Variants in EMCN observed in about 807,000 individuals in gnomAD.
EMCN encodes endomucin, also known as MUC-14.
Under a neutral mutation model 38.4 loss-of-function variants are expected in EMCN, and 37 were observed. That is an observed-to-expected ratio of 0.96 (90% CI 0.74 to 1.27). The LOEUF (loss-of-function observed/expected upper bound fraction) is 1.27. EMCN is among the 50% of genes most tolerant of loss of function. The pLI is 0.00. For missense variants in EMCN, 318 were observed against 302.8 expected, an observed-to-expected ratio of 1.05 and a Z score of -0.37; for synonymous variants, 95 against 100.8, an observed-to-expected ratio of 0.94 and a Z score of 0.35.
chr4:100,471,570 C>A (rs905605707), intron 3 of EMCN, among the ~76,000 whole-genome samples: 1 of 151,938 alleles, frequency 6.6e-6, no homozygotes, highest in East Asian at 1.9e-4. Flanking sequence ...GAGAAGGGAA[C>A]ACTTCCCAAC....
intron 1 of EMCN, among the ~76,000 whole-genome samples, chr4:100,513,406 GA>G (rs1291227093): frequency 2.0e-5 from 3 of 152,098 alleles, no homozygotes; most frequent in Non-Finnish European, 2.9e-5. Flanking sequence ...AAAGATGTAT[GA>G]TTTTTTTTAA....
chr4:100,471,135 A>C (rs1225657419), intron 3 of EMCN, among the ~76,000 whole-genome samples: 1 of 151,964 alleles, frequency 6.6e-6, no homozygotes, highest in Non-Finnish European at 1.5e-5. Context: ...ATAGAAACAC[A>C]ACACAGAAAA....
chr4:100,469,393 A>G (rs1174367566), intron 3 of EMCN, among the ~76,000 whole-genome samples: 1 of 152,158 alleles, frequency 6.6e-6, no homozygotes, highest in Non-Finnish European at 1.5e-5. Context: ...ATATTACATC[A>G]AAAGCTCAGC....
chr4:100,442,575 T>A (rs1272853864), intron 5 of EMCN, among the ~76,000 whole-genome samples: 1 of 152,130 alleles, frequency 6.6e-6, no homozygotes, highest in African/African-American at 2.4e-5. Context: ...TTTTTATTCT[T>A]TTTCCTCTGA....
intron 5 of EMCN, among the ~76,000 whole-genome samples, chr4:100,426,664 C>A (rs781625876): frequency 6.6e-6 from 1 of 152,128 alleles, no homozygotes; most frequent in Non-Finnish European, 1.5e-5. Flanking sequence ...AGAAATGAAG[C>A]CTCAGGAATT....
At chr4:100,436,862 A>C (rs1727367832) in intron 5 of EMCN, among the ~76,000 whole-genome samples, 1 of 152,112 alleles carries the variant, frequency 6.6e-6, no homozygotes, top group Non-Finnish European at 1.5e-5. Context: ...GGGGCCTATC[A>C]GTGGTGAGAG....
At chr4:100,442,693 T>A (rs1282283654) in intron 5 of EMCN, among the ~76,000 whole-genome samples, 1 of 152,140 alleles carries the variant, frequency 6.6e-6, no homozygotes, top group African/African-American at 2.4e-5. Flanking sequence ...TTGATTGAAT[T>A]CTTCAGCTTC....
In EMCN at chr4:100,496,016, C is replaced by T. The variant is rs548100590; in HGVS notation, c.65-15977G>A. ...AATTTCATATTGAAATAAAATTTCT[C>T]GGCTTAAATTTGTTTGCAGTCTGTT... On this transcript the variant is annotated intron_variant, in intron 1 of 11. Transcript: ENST00000296420. Among the ~76,000 whole-genome samples the T allele has an allele frequency of 1.2e-4, 19 of 152,046 alleles. No homozygotes were observed. In the South Asian group the frequency reaches 2.7e-3, roughly 22 times the overall value.
intron 1 of EMCN, among the ~76,000 whole-genome samples, chr4:100,480,655 A>C (rs1050997631): frequency 1.3e-5 from 2 of 151,890 alleles, no homozygotes; most frequent in African/African-American, 4.8e-5. Context: ...CAACTGCAAC[A>C]TACTTAAAAG....
At chr4:100,490,692 T>C (rs2110291674) in intron 1 of EMCN, among the ~76,000 whole-genome samples, 1 of 152,312 alleles carries the variant, frequency 6.6e-6, no homozygotes, top group Middle Eastern at 3.4e-3. Context: ...CCTAGGTGTG[T>C]AGTAGGTTGT....
rs530898554 is a variant in EMCN at position 100,478,663 on chromosome 4, C to A, written c.187+1254G>T. On this transcript the variant is annotated intron_variant, in intron 2 of 11. Coordinates refer to ENST00000296420, the MANE Select transcript of EMCN (RefSeq NM_016242.4). ...ACATATGGAGATTAATTACAGTATTCTCTACTTTCGGATATAGCTGTCTAT... is the reference window on the plus strand; with the variant it reads ...ACATATGGAGATTAATTACAGTATTATCTACTTTCGGATATAGCTGTCTAT... Among the ~76,000 whole-genome samples, 210 of 152,172 alleles carry A rather than the reference C, an allele frequency of 1.4e-3. 2 individuals are homozygous for A. The highest frequency in any genetic ancestry group is 2.2e-3 in the Non-Finnish European group (153 of 68,000).
intron 11 of EMCN, among the ~76,000 whole-genome samples, chr4:100,405,276 T>A (rs573769162): frequency 6.6e-6 from 1 of 152,238 alleles, no homozygotes; most frequent in East Asian, 1.9e-4. Flanking sequence ...AGACTGGGCA[T>A]CCATGTTTTG....
chr4:100,463,197 C>G (rs572774217), intron 4 of EMCN, among the ~76,000 whole-genome samples: 1 of 152,254 alleles, frequency 6.6e-6, no homozygotes, highest in Admixed American at 6.5e-5. Context: ...TTCTACTTGT[C>G]TCTCTGCCTC....
intron 11 of EMCN, among the ~76,000 whole-genome samples, chr4:100,399,827 A>G (rs1479125555): frequency 6.6e-6 from 1 of 152,126 alleles, no homozygotes; most frequent in Non-Finnish European, 1.5e-5. Context: ...TTTGTTATAT[A>G]GGTAAACTGC....
intron 1 of EMCN, among the ~76,000 whole-genome samples, chr4:100,490,998 T>C (rs1486561242): frequency 2.0e-5 from 3 of 152,202 alleles, no homozygotes; most frequent in Admixed American, 1.3e-4. Flanking sequence ...TCTTACCCAT[T>C]TCCAGTTGGG....
chr4:100,458,630 A>G (rs753976774), intron 4 of EMCN, among the ~76,000 whole-genome samples: 2 of 152,154 alleles, frequency 1.3e-5, no homozygotes, highest in Non-Finnish European at 2.9e-5. Flanking sequence ...GGGCAATTCA[A>G]TGTTTGAGAA....
chr4:100,446,689 G>A lies in EMCN; in HGVS notation c.415+844C>T, dbSNP rs528991119. Reference sequence around the variant, plus strand: ...GTTGTACCAATTATTTTATCACCCAGGTATTAAGCCTAGTACCCAATAGTT... The same window carrying A: ...GTTGTACCAATTATTTTATCACCCAAGTATTAAGCCTAGTACCCAATAGTT... On this transcript the variant is annotated intron_variant, in intron 5 of 11. Coordinates refer to ENST00000296420, the MANE Select transcript of EMCN (RefSeq NM_016242.4). Among the ~76,000 whole-genome samples, 264 of 152,020 alleles carry A rather than the reference G, an allele frequency of 1.7e-3. 4 individuals are homozygous for A. Among genetic ancestry groups the A allele is most frequent in the Admixed American group, 5.6e-3 (86 of 15,260 alleles).
chr4:100,416,052 C>T (rs1726721351), intron 9 of EMCN, 93 bp from the exon 10 acceptor site: 6 of 694,412 alleles, frequency 8.6e-6, no homozygotes, highest in Non-Finnish European at 1.5e-5. Context: ...GACGAAGATA[C>T]ATATGCATAT....
chr4:100,472,745 A>G (rs932192089), intron 3 of EMCN, among the ~76,000 whole-genome samples: 1 of 152,050 alleles, frequency 6.6e-6, no homozygotes, highest in Admixed American at 6.5e-5. Flanking sequence ...AAGTAATAGT[A>G]ATCAAGAGTA....
Sources: gnomAD v4.1 joint callset for allele counts (sites outside exome capture counted in the v4.1 genomes callset) on GRCh38, gnomAD v4.1.1 for gene constraint, MANE v1.5 for transcripts, NCBI Gene and HGNC (gene_info 2026-07-23, HGNC 2026-07-21) for gene names.